The following EHD3 variants were observed in gnomAD, a reference collection of about 807,000 sequenced individuals.
EHD3 encodes EH domain-containing protein 3.
In EHD3, 17 loss-of-function variants were observed where a neutral mutation model predicts 43.0. The ratio of observed to expected loss-of-function variants is 0.40; its 90% confidence interval spans 0.27 to 0.59. EHD3 has a LOEUF of 0.59. EHD3 is among the 20% of genes least tolerant of loss of function. EHD3 has a pLI of 0.49. For synonymous variants in EHD3, 313 were observed against 289.5 expected, an observed-to-expected ratio of 1.08 and a Z score of -0.82; for missense variants, 594 against 705.6, an observed-to-expected ratio of 0.84 and a Z score of 1.79.
In EHD3 at chr2:31,266,112, C is replaced by T. The variant is rs997109681; in HGVS notation, c.1081-65C>T. 9.8e-6 allele frequency: 15 copies of T among 1,531,570 alleles called. No homozygotes were observed. Among genetic ancestry groups the T allele is most frequent in the South Asian group, 1.3e-5 (1 of 78,312 alleles). 94.9% of individuals were successfully genotyped at this position (1,531,570 alleles called of 1,614,324 possible). On this transcript the variant is annotated intron_variant, in intron 5 of 5. Transcript: ENST00000322054. This position sits in a 1 kb window ranked among gnomAD's most constrained non-coding sequence, Gnocchi z 5.1. ...AACATTCTGGTGCTCATAGGAGGCA[C>T]GTGATAAATGGAGGGCTCTCCTTTC...
intron 5 of EHD3, among the ~76,000 whole-genome samples, chr2:31,264,232 G>A (rs547586293): frequency 5.3e-5 from 8 of 152,336 alleles, no homozygotes; most frequent in African/African-American, 1.9e-4. Flanking sequence ...ACTGAAGGCT[G>A]TAGGCAATTG....
At chr2:31,241,433 C>T (rs1683422247) in intron 1 of EHD3, among the ~76,000 whole-genome samples, 1 of 152,178 alleles carries the variant, frequency 6.6e-6, no homozygotes, top group South Asian at 2.1e-4. Context: ...CCTTTATCTC[C>T]TCCTCCTTCA....
In EHD3 at chr2:31,266,081, G is replaced by A. The variant is rs1041271854; in HGVS notation, c.1081-96G>A. The A allele has an allele frequency of 6.3e-6, 9 of 1,429,636 alleles. No homozygotes were observed. The highest frequency in any genetic ancestry group is 2.0e-4 in the Middle Eastern group (1 of 5,038). The allele number at this position is 1,429,636 out of a possible 1,614,324, so 88.6% of individuals were successfully genotyped here. The stretch of plus-strand genomic sequence containing the variant: ...GGTCTTTCATTGTAGAAAGGGATCA[G>A]CTGTGAACATTCTGGTGCTCATAGG... On this transcript the variant is annotated intron_variant, in intron 5 of 5. Transcript: ENST00000322054. This position sits in a 1 kb window ranked among gnomAD's most constrained non-coding sequence, Gnocchi z 5.1.
intron 1 of EHD3, among the ~76,000 whole-genome samples, chr2:31,242,448 C>A (rs921594744): frequency 5.3e-5 from 8 of 152,210 alleles, no homozygotes; most frequent in Non-Finnish European, 1.2e-4. Context: ...CAATTATAAT[C>A]TTTATCTGGG....
chr2:31,239,258 T>A (rs976665181), intron 1 of EHD3, among the ~76,000 whole-genome samples: 3 of 152,162 alleles, frequency 2.0e-5, no homozygotes, highest in African/African-American at 7.2e-5. Flanking sequence ...GCAAAGTCCA[T>A]CCTGGCAGGC....
intron 3 of EHD3, among the ~76,000 whole-genome samples, chr2:31,256,172 G>A (rs1375745613): frequency 6.6e-6 from 1 of 152,210 alleles, no homozygotes; most frequent in African/African-American, 2.4e-5. Context: ...ACCCAGGCCA[G>A]TGCTCCTCTG....
rs1683294429 is a variant in EHD3 at position 31,234,868 on chromosome 2, T to C, written c.227+20T>C. ...CATCAGGTGAGCCGGCCCAGGGTCC[T>C]GGCAGCCCACCCCGGAGCCCAGCGC... On this transcript the variant is annotated intron_variant, in intron 1 of 5. Coordinates refer to ENST00000322054, the MANE Select transcript of EHD3 (RefSeq NM_014600.3). 1 of 1,612,958 alleles carries C rather than the reference T, an allele frequency of 6.2e-7. No individual in the cohort carries two copies. The highest frequency in any genetic ancestry group is 8.5e-7 in the Non-Finnish European group (1 of 1,179,172).
At position 31,253,656 on chromosome 2, in the gene EHD3, G is replaced by A. The variant is rs146324640; in HGVS notation, c.502+4188G>A. 4.1e-3 allele frequency among the ~76,000 whole-genome samples: 630 copies of A among 152,260 alleles called. 1 individual carries two copies. Among genetic ancestry groups the A allele is most frequent in the African/African-American group, 0.014 (566 of 41,550 alleles). On this transcript the variant is annotated intron_variant, in intron 3 of 5. Transcript: ENST00000322054. ...TCAGGCTTCACAGGAAGGAGCACTC[G>A]GGCCCCAGGCTGGACTAGGGCGGCA...
In EHD3 at chr2:31,266,279, G is replaced by T; in HGVS notation, c.1183G>T (p.Val395Leu). ...GGCCCATGACATTGCCCAGCTCATGGTGCTAGTGCGCCAGGAGGAGTCACA... is the reference window on the plus strand; with the variant it reads ...GGCCCATGACATTGCCCAGCTCATGTTGCTAGTGCGCCAGGAGGAGTCACA... ...MLAHDIAQLMVLVRQEESQRP... is the reference protein window; with the variant it reads ...MLAHDIAQLMLLVRQEESQRP... The change falls in exon 6 of 6, where the codon GTG (valine) becomes TTG (leucine). Residue 395 changes from valine (V) to leucine (L), a missense_variant. Coordinates refer to ENST00000322054, the MANE Select transcript of EHD3 (RefSeq NM_014600.3). This position sits in a 1 kb window ranked among gnomAD's most constrained non-coding sequence, Gnocchi z 5.1. The T allele has an allele frequency of 6.2e-7, 1 of 1,614,204 alleles. No homozygotes were observed. The highest frequency in any genetic ancestry group is 8.5e-7 in the Non-Finnish European group (1 of 1,180,038).
At chr2:31,253,572 A>T (rs6758899) in intron 3 of EHD3, among the ~76,000 whole-genome samples, 71,465 of 152,146 alleles carry the variant, frequency 0.47, 19,015 homozygotes, top group East Asian at 0.71. Flanking sequence ...AGAGGCCCCT[A>T]CTGGCCATAT....
intron 2 of EHD3, among the ~76,000 whole-genome samples, chr2:31,248,495 C>T (rs983492791): frequency 2.6e-5 from 4 of 152,158 alleles, no homozygotes; most frequent in African/African-American, 9.7e-5. Context: ...AGGCTGTGCT[C>T]CTTGGAGACA....
intron 5 of EHD3, among the ~76,000 whole-genome samples, chr2:31,263,043 T>C (rs997952147): frequency 3.3e-5 from 5 of 152,234 alleles, no homozygotes; most frequent in Non-Finnish European, 7.3e-5. Context: ...TCTAGGTTTT[T>C]CATAACATCA....
chr2:31,245,553 A>ATATATATATATATATATATTTT (rs1446415610), intron 2 of EHD3, among the ~76,000 whole-genome samples: 1 of 35,052 alleles, frequency 2.9e-5, no homozygotes, highest in East Asian at 1.7e-3. Flanking sequence ...ATATATATAT[A>ATATATATATATATATATATTTT]TTTTTTTTTT....
intron 2 of EHD3, among the ~76,000 whole-genome samples, chr2:31,247,403 T>C (rs969430335): frequency 1.6e-4 from 24 of 151,934 alleles, no homozygotes; most frequent in African/African-American, 5.8e-4. Flanking sequence ...GTGAAACAAA[T>C]AACATGCACA....
intron 2 of EHD3, 117 bp downstream of exon 2, chr2:31,244,567 T>C: frequency 2.7e-6 from 3 of 1,122,392 alleles, no homozygotes; most frequent in Non-Finnish European, 3.8e-6. Flanking sequence ...CTCCTGTCAA[T>C]CTTTCCATAC....
intron 3 of EHD3, among the ~76,000 whole-genome samples, chr2:31,249,970 T>C (rs1266260318): frequency 2.6e-5 from 4 of 152,176 alleles, no homozygotes; most frequent in African/African-American, 9.7e-5. Context: ...TAAAGGAGGT[T>C]GCCTGGTATG....
Position 31,243,456 on chromosome 2 carries a change from C to CTTT in EHD3, c.228-817_228-815dup, listed in dbSNP as rs1418621028. 3.3e-3 allele frequency among the ~76,000 whole-genome samples: 312 copies of CTTT among 93,240 alleles called. 2 individuals carry two copies. Among genetic ancestry groups the CTTT allele is most frequent in the African/African-American group, 0.013 (265 of 19,640 alleles). 61.2% of individuals were successfully genotyped at this position (93,240 alleles called of 152,430 possible). A position where few individuals can be genotyped will look rare whatever the true frequency, so the allele number is the denominator to read the frequency against. On this transcript the variant is annotated intron_variant, in intron 1 of 5. Coordinates refer to ENST00000322054, the MANE Select transcript of EHD3 (RefSeq NM_014600.3). ...TCTTTCTTTCTTTCTTTCTTTCTTT[C>CTTT]TTTCTTTTTTTTTTTTTGAGACAGA...
At chr2:31,252,612 C>T (rs1051193048) in intron 3 of EHD3, among the ~76,000 whole-genome samples, 2 of 152,124 alleles carry the variant, frequency 1.3e-5, no homozygotes, top group African/African-American at 4.8e-5. Context: ...GTAGCTGGGA[C>T]GACAGGCATG....
Position 31,268,622 on chromosome 2 carries a change from C to T in EHD3, c.*1918C>T, listed in dbSNP as rs988547219. ...CTGCTCCTCTGGAGTGAAGATGTTCCCTAAGCCCCTGGGCTTCCTTCTGCA... is the reference window on the plus strand; with the variant it reads ...CTGCTCCTCTGGAGTGAAGATGTTCTCTAAGCCCCTGGGCTTCCTTCTGCA... On this transcript the variant is annotated 3_prime_UTR_variant, in exon 6 of 6. Transcript: ENST00000322054. 1.3e-5 allele frequency: 2 copies of T among 152,230 alleles called. No individual in the cohort carries two copies. The highest frequency in any genetic ancestry group is 4.8e-5 in the African/African-American group (2 of 41,448). The allele number at this position is 152,230 out of a possible 1,614,324, so 9.4% of individuals were successfully genotyped here. A position where few individuals can be genotyped will look rare whatever the true frequency, so the allele number is the denominator to read the frequency against.
Sources: gnomAD v4.1 joint callset for allele counts (sites outside exome capture counted in the v4.1 genomes callset) on GRCh38, gnomAD v4.1.1 for gene constraint, Gnocchi (gnomAD v3.1) non-coding constraint, MANE v1.5 for transcripts, NCBI Gene and HGNC (gene_info 2026-07-23, HGNC 2026-07-21) for gene names.